Variants in PRKG1 observed in about 807,000 individuals in gnomAD.
The protein encoded by PRKG1 is protein kinase cGMP-dependent 1, also known as cGMP-dependent protein kinase 1.
In PRKG1, 35 loss-of-function variants were observed where a neutral mutation model predicts 88.1. The observed-to-expected ratio is 0.40, with a 90% CI of 0.30 to 0.53. The LOEUF (loss-of-function observed/expected upper bound fraction) is 0.53, where lower values mean the gene tolerates loss of function less well. Ranked by LOEUF, PRKG1 falls within the 20% of genes least tolerant of loss-of-function variation. PRKG1 has a pLI of 0.59. For synonymous variants in PRKG1, 303 were observed against 292.5 expected (o/e 1.04, Z -0.37); for missense variants, 540 against 839.8 (o/e 0.64, Z 4.41).
chr10:51,262,125 A>G (rs949958682), intron 2 of PRKG1, among the ~76,000 whole-genome samples: 6 of 151,876 alleles, frequency 4.0e-5, no homozygotes, highest in African/African-American at 9.7e-5. Context: ...TGACCTCGTG[A>G]TCCGCCCGCC....
At chr10:51,483,342 G>T (rs909840247) in intron 3 of PRKG1, among the ~76,000 whole-genome samples, 6 of 152,020 alleles carry the variant, frequency 3.9e-5, no homozygotes, top group Non-Finnish European at 5.9e-5. Context: ...TTCTATTTTG[G>T]TGCCCTTATG....
intron 9 of PRKG1, among the ~76,000 whole-genome samples, chr10:52,225,157 T>A (rs1298398730): frequency 1.3e-5 from 2 of 152,052 alleles, no homozygotes; most frequent in African/African-American, 4.8e-5. Flanking sequence ...GTTTTTTGAT[T>A]TTTTTGATTA....
chr10:52,118,690 T>C (rs1278307211), intron 7 of PRKG1, among the ~76,000 whole-genome samples: 1 of 152,064 alleles, frequency 6.6e-6, no homozygotes, highest in African/African-American at 2.4e-5. Flanking sequence ...TGGATATGAA[T>C]TTCTTTTCTT....
At chr10:51,107,388 T>C (rs1844863505) in intron 1 of PRKG1, among the ~76,000 whole-genome samples, 1 of 151,874 alleles carries the variant, frequency 6.6e-6, no homozygotes, top group Non-Finnish European at 1.5e-5. Context: ...TTTTCCCATC[T>C]CAAGAAACTA....
At chr10:51,501,322 C>A (rs1564524726) in intron 3 of PRKG1, among the ~76,000 whole-genome samples, 1 of 152,126 alleles carries the variant, frequency 6.6e-6, no homozygotes, top group African/African-American at 2.4e-5. Context: ...TTTTTGAGAT[C>A]TCTGAATCTG....
chr10:51,105,269 G>A (rs1344349649), intron 1 of PRKG1, among the ~76,000 whole-genome samples: 1 of 152,218 alleles, frequency 6.6e-6, no homozygotes. Context: ...AGCAAATAAA[G>A]ATGCAAAAGG....
At position 52,289,013 on chromosome 10, in the gene PRKG1, A is replaced by AT. The variant is rs1842180189; in HGVS notation, c.1895+20_1895+21insT. ...GCACAAGTAAGTGTTCTTTCTGCAG[A>AT]GTTCTGAACACGTGACATCATTTCC... On this transcript the variant is annotated intron_variant, in intron 16 of 17. Coordinates refer to ENST00000373980, the MANE Select transcript of PRKG1 (RefSeq NM_006258.4). The AT allele has an allele frequency of 2.5e-6, 4 of 1,586,956 alleles. No homozygotes were observed. The African/African-American group carries it at 5.4e-5, about 22-fold the overall frequency.
intron 5 of PRKG1, among the ~76,000 whole-genome samples, chr10:52,035,679 G>A (rs1845589653): frequency 6.6e-6 from 1 of 152,084 alleles, no homozygotes; most frequent in African/African-American, 2.4e-5. Context: ...GGTAATTGTG[G>A]GAGACTCAAC....
intron 3 of PRKG1, among the ~76,000 whole-genome samples, chr10:51,580,439 T>A (rs927361255): frequency 1.3e-5 from 2 of 152,190 alleles, no homozygotes; most frequent in African/African-American, 2.4e-5. Context: ...GACAGTATAA[T>A]AGATTTGAAA....
At chr10:52,128,677 C>A in intron 7 of PRKG1, 1 of 684,088 alleles carries the variant, frequency 1.5e-6, no homozygotes, top group South Asian at 6.6e-5. Context: ...AACTGCATAG[C>A]TTTGATTGTA....
chr10:51,894,787 G>A (rs1244456505), intron 4 of PRKG1, among the ~76,000 whole-genome samples: 2 of 152,158 alleles, frequency 1.3e-5, no homozygotes, highest in East Asian at 3.9e-4. Context: ...AACAGTTTTA[G>A]GATTTGTGTT....
intron 3 of PRKG1, among the ~76,000 whole-genome samples, chr10:51,546,089 A>G (rs1195736459): frequency 6.6e-6 from 1 of 150,950 alleles, no homozygotes; most frequent in Non-Finnish European, 1.5e-5. Context: ...ATTCACCAAT[A>G]TATTTCACAA....
intron 1 of PRKG1, among the ~76,000 whole-genome samples, chr10:51,067,816 G>C (rs1246432761): frequency 6.6e-6 from 1 of 152,006 alleles, no homozygotes; most frequent in Non-Finnish European, 1.5e-5. Context: ...AGATATTGCT[G>C]CTTTGGGTAA....
intron 3 of PRKG1, among the ~76,000 whole-genome samples, chr10:51,681,406 A>G (rs1840845599): frequency 6.6e-6 from 1 of 152,224 alleles, no homozygotes; most frequent in African/African-American, 2.4e-5. Context: ...GGAGAAATAC[A>G]GTAGTCAGAA....
chr10:52,102,481 C>A (rs1847316406), intron 7 of PRKG1, among the ~76,000 whole-genome samples: 2 of 151,442 alleles, frequency 1.3e-5, no homozygotes, highest in South Asian at 4.2e-4. Flanking sequence ...GCCATCAAGC[C>A]CAAAACAACA....
At chr10:52,018,630 C>G (rs542125033) in intron 5 of PRKG1, among the ~76,000 whole-genome samples, 2 of 152,248 alleles carry the variant, frequency 1.3e-5, no homozygotes, top group East Asian at 3.9e-4. Context: ...TCTTTCATAT[C>G]CTTCTGGGAA....
intron 5 of PRKG1, among the ~76,000 whole-genome samples, chr10:51,947,754 G>C (rs1361381385): frequency 6.6e-6 from 1 of 152,186 alleles, no homozygotes; most frequent in Non-Finnish European, 1.5e-5. Flanking sequence ...CAGGATGTCA[G>C]ACCAGCCACA....
At chr10:51,619,763 C>G (rs2132259255) in intron 3 of PRKG1, among the ~76,000 whole-genome samples, 1 of 152,270 alleles carries the variant, frequency 6.6e-6, no homozygotes, top group Admixed American at 6.5e-5. Context: ...CATTTATTGT[C>G]AGGTCTATCC....
chr10:51,403,212 T>G (rs957616828), intron 2 of PRKG1, among the ~76,000 whole-genome samples: 3 of 152,148 alleles, frequency 2.0e-5, no homozygotes, highest in Non-Finnish European at 2.9e-5. Flanking sequence ...GGCCCAGCTT[T>G]GTAATTAAGC....
Sources: allele counts gnomAD v4.1 joint callset (sites outside exome capture counted in the v4.1 genomes callset), GRCh38; gene constraint gnomAD v4.1.1; transcripts MANE v1.5; gene names NCBI Gene and HGNC (gene_info 2026-07-23, HGNC 2026-07-21).